Variants in TMEM117 observed in about 807,000 individuals in gnomAD.
TMEM117 encodes transmembrane protein 117.
In TMEM117, 27 loss-of-function variants were observed where a neutral mutation model predicts 52.4. That is an observed-to-expected ratio of 0.51 (90% CI 0.38 to 0.71). The LOEUF is 0.71. TMEM117 is among the 30% of genes least tolerant of loss of function. The pLI, the probability that TMEM117 is intolerant of heterozygous loss-of-function variation, is 0.00. For synonymous variants in TMEM117, 215 were observed against 206.3 expected (o/e 1.04, Z -0.36); for missense variants, 556 against 630.5 (o/e 0.88, Z 1.26).
chr12:44,221,395 A>G (rs543559695), intron 5 of TMEM117, among the ~76,000 whole-genome samples: 1 of 152,316 alleles, frequency 6.6e-6, no homozygotes, highest in African/African-American at 2.4e-5. Flanking sequence ...CCACTCTCTT[A>G]TAGCCAGTGT....
At chr12:43,824,932 TCAAAACAAAA>T in the TMEM117 span, among the ~76,000 whole-genome samples, 8 of 152,136 alleles carry the variant, frequency 5.3e-5, no homozygotes, top group African/African-American at 1.4e-4. Context: ...AGACTCCGTC[TCAAAACAAAA>T]CAAAACAAAA....
chr12:43,810,966 A>G, the TMEM117 span, among the ~76,000 whole-genome samples: 24 of 152,362 alleles, frequency 1.6e-4, no homozygotes, highest in African/African-American at 5.8e-4. Flanking sequence ...TGGATCCCAG[A>G]AAAAGAACTG....
At chr12:44,006,019 G>T (rs755750032) in intron 3 of TMEM117, among the ~76,000 whole-genome samples, 28 of 152,058 alleles carry the variant, frequency 1.8e-4, no homozygotes, top group Non-Finnish European at 3.4e-4. Flanking sequence ...ACCCAGTCTC[G>T]AGTATGTCTT....
At chr12:43,906,906 G>GCAA (rs1335765524) in intron 2 of TMEM117, among the ~76,000 whole-genome samples, 3 of 151,722 alleles carry the variant, frequency 2.0e-5, no homozygotes, top group Non-Finnish European at 4.4e-5. Context: ...CAAGGCGGCA[G>GCAA]CGAGGCTGGG....
intron 2 of TMEM117, among the ~76,000 whole-genome samples, chr12:43,874,897 G>T (rs577748988): frequency 1.5e-3 from 226 of 152,254 alleles, no homozygotes; most frequent in Non-Finnish European, 2.4e-3. Context: ...AATTAGATCC[G>T]CAGGGATGAA....
chr12:43,871,439 A>G (rs1675776), intron 2 of TMEM117, among the ~76,000 whole-genome samples: 110,106 of 152,096 alleles, frequency 0.72, 43,199 homozygotes, highest in East Asian at 0.94. Flanking sequence ...TCTGACTGGT[A>G]TGAGATAGTA....
chr12:43,974,971 A>G (rs1945649781), intron 3 of TMEM117, among the ~76,000 whole-genome samples: 1 of 152,180 alleles, frequency 6.6e-6, no homozygotes, highest in South Asian at 2.1e-4. Context: ...AGGACAATGT[A>G]TTTAACCTAT....
At chr12:43,839,480 T>C (rs920457510) in intron 1 of TMEM117, among the ~76,000 whole-genome samples, 1 of 152,176 alleles carries the variant, frequency 6.6e-6, no homozygotes, top group African/African-American at 2.4e-5. Context: ...CCTTTCCAAG[T>C]TTTGTTCCCT....
chr12:43,842,414 C>T (rs1438068142), intron 1 of TMEM117, among the ~76,000 whole-genome samples: 1 of 152,086 alleles, frequency 6.6e-6, no homozygotes, highest in Non-Finnish European at 1.5e-5. Context: ...CTTATGAATC[C>T]AGGGCACAGT....
At chr12:44,176,277 C>T (rs1165085426) in intron 4 of TMEM117, among the ~76,000 whole-genome samples, 3 of 152,034 alleles carry the variant, frequency 2.0e-5, no homozygotes, top group Non-Finnish European at 4.4e-5. Context: ...CTCTTTCATT[C>T]TTTGTTTTAT....
At chr12:43,862,992 A>C (rs1035852920) in intron 2 of TMEM117, among the ~76,000 whole-genome samples, 5 of 151,942 alleles carry the variant, frequency 3.3e-5, no homozygotes, top group Non-Finnish European at 7.4e-5. Context: ...AAACAAAAAA[A>C]CCAAGAAAAA....
chr12:43,854,517 C>T (rs954558926), intron 2 of TMEM117, among the ~76,000 whole-genome samples: 2 of 151,854 alleles, frequency 1.3e-5, no homozygotes, highest in Non-Finnish European at 2.9e-5. Flanking sequence ...GAAGTGATGA[C>T]AGCAGGTCAT....
chr12:44,161,312 C>T (rs1029889031), intron 4 of TMEM117, among the ~76,000 whole-genome samples: 3 of 152,012 alleles, frequency 2.0e-5, no homozygotes, highest in Admixed American at 6.6e-5. Flanking sequence ...AATTTGCATA[C>T]AGTTGGGTTT....
At chr12:44,047,999 G>A (rs912638449) in intron 3 of TMEM117, among the ~76,000 whole-genome samples, 1 of 151,960 alleles carries the variant, frequency 6.6e-6, no homozygotes, top group Non-Finnish European at 1.5e-5. Context: ...GAAGCTACCT[G>A]GGCCTGAAAT....
chr12:44,053,921 A>T, intron 3 of TMEM117, among the ~76,000 whole-genome samples: 1 of 152,202 alleles, frequency 6.6e-6, no homozygotes, highest in East Asian at 1.9e-4. Flanking sequence ...TGCAACATGA[A>T]TGTTAGTTCA....
chr12:43,806,545 T>G, the TMEM117 span, among the ~76,000 whole-genome samples: 1 of 152,124 alleles, frequency 6.6e-6, no homozygotes, highest in African/African-American at 2.4e-5. Flanking sequence ...CCGCAGAATC[T>G]AGACTGCTCA....
At chr12:43,943,766 G>T (rs1476493281) in intron 2 of TMEM117, among the ~76,000 whole-genome samples, 2 of 152,210 alleles carry the variant, frequency 1.3e-5, no homozygotes, top group East Asian at 3.8e-4. Flanking sequence ...TGTAAGTAAG[G>T]TTGGCCTTGG....
intron 2 of TMEM117, among the ~76,000 whole-genome samples, chr12:43,864,179 T>TC (rs936101833): frequency 5.3e-5 from 8 of 151,902 alleles, no homozygotes; most frequent in African/African-American, 1.9e-4. Flanking sequence ...TCTCCCTCAC[T>TC]CCCCCCGCAG....
intron 3 of TMEM117, among the ~76,000 whole-genome samples, chr12:44,140,891 T>A (rs1948561547): frequency 6.6e-6 from 1 of 152,064 alleles, no homozygotes. Context: ...TTAGTCTCCT[T>A]CCTGTACAAG....
Sources: gnomAD v4.1 joint callset for allele counts (sites outside exome capture counted in the v4.1 genomes callset) on GRCh38, gnomAD v4.1.1 for gene constraint, MANE v1.5 for transcripts, NCBI Gene and HGNC (gene_info 2026-07-23, HGNC 2026-07-21) for gene names.